UBL3: variants seen among roughly 807,000 people sequenced by gnomAD.
UBL3 encodes the protein ubiquitin-like protein 3.
A neutral mutation model predicts 18.4 loss-of-function variants in UBL3; 6 were observed. That is an observed-to-expected ratio of 0.33 (90% confidence interval 0.18 to 0.64). The LOEUF (loss-of-function observed/expected upper bound fraction) is 0.64. Ranked by LOEUF, UBL3 falls within the 30% of genes least tolerant of loss-of-function variation. UBL3 has a pLI of 0.76. For missense variants in UBL3, 109 were observed against 142.9 expected (o/e 0.76, Z 1.21); for synonymous variants, 49 against 46.6 (o/e 1.05, Z -0.21).
chr13:29,849,049 T>C (rs904746510), intron 1 of UBL3, among the ~76,000 whole-genome samples: 1 of 152,230 alleles, frequency 6.6e-6, no homozygotes, highest in African/African-American at 2.4e-5. Context: ...CTTGAAGAGA[T>C]GTGCATCCCT....
rs35083259 is a variant in UBL3, at chr13:29,815,302, G to T, written c.27+34210C>A. On this transcript the variant is annotated intron_variant, in intron 1 of 4. Transcript: ENST00000380680. ...TTAGATGAGTGGGAAATGGGTGTGTGGGGGGGAGAAATATCTCATATAATA... is the reference window on the plus strand; with the variant it reads ...TTAGATGAGTGGGAAATGGGTGTGTTGGGGGGAGAAATATCTCATATAATA... Among the ~76,000 whole-genome samples the T allele has an allele frequency of 7.3e-4, 111 of 152,036 alleles. 1 individual carries two copies. The Middle Eastern group carries it at 0.01, about 14-fold the overall frequency.
At chr13:29,846,100 C>T (rs906217990) in intron 1 of UBL3, among the ~76,000 whole-genome samples, 1 of 152,036 alleles carries the variant, frequency 6.6e-6, no homozygotes, top group Non-Finnish European at 1.5e-5. Context: ...CAGTGGTTAA[C>T]ATAAGTCACA....
intron 1 of UBL3, among the ~76,000 whole-genome samples, chr13:29,806,181 C>T (rs1251835632): frequency 6.6e-6 from 1 of 151,856 alleles, no homozygotes; most frequent in East Asian, 1.9e-4. Context: ...TGTCTCAAAA[C>T]CAAAAAACAA....
chr13:29,811,195 G>A (rs754531441), intron 1 of UBL3, among the ~76,000 whole-genome samples: 4 of 152,026 alleles, frequency 2.6e-5, no homozygotes, highest in African/African-American at 4.8e-5. Context: ...CTGGTCCCTC[G>A]AGGGTACTTC....
At chr13:29,819,463 C>T (rs1272306689) in intron 1 of UBL3, among the ~76,000 whole-genome samples, 1 of 152,096 alleles carries the variant, frequency 6.6e-6, no homozygotes, top group African/African-American at 2.4e-5. Context: ...AGTCCATAAA[C>T]TAAGGAGATT....
intron 1 of UBL3, among the ~76,000 whole-genome samples, chr13:29,845,359 T>G (rs922464276): frequency 1.3e-5 from 2 of 152,102 alleles, no homozygotes; most frequent in African/African-American, 4.8e-5. Context: ...TAAACAGTAC[T>G]TATCTACCTT....
intron 1 of UBL3, among the ~76,000 whole-genome samples, chr13:29,828,236 G>T (rs1465689401): frequency 3.3e-5 from 5 of 152,108 alleles, no homozygotes; most frequent in Admixed American, 1.3e-4. Context: ...GCATTGCTAG[G>T]TTGGGGAAGT....
intron 2 of UBL3, among the ~76,000 whole-genome samples, chr13:29,773,722 G>A (rs1876908126): frequency 6.6e-6 from 1 of 152,110 alleles, no homozygotes; most frequent in African/African-American, 2.4e-5. Flanking sequence ...AGAAATCTTA[G>A]AATATAGCTT....
At chr13:29,845,126 T>A (rs1879199502) in intron 1 of UBL3, among the ~76,000 whole-genome samples, 1 of 152,060 alleles carries the variant, frequency 6.6e-6, no homozygotes. Flanking sequence ...GAAGGAAAGA[T>A]CACTGTGGCC....
chr13:29,773,903 C>A (rs150389386), intron 2 of UBL3, among the ~76,000 whole-genome samples: 47 of 152,072 alleles, frequency 3.1e-4, no homozygotes, highest in African/African-American at 1.1e-3. Flanking sequence ...GTATGTTGCA[C>A]GAAGTATTTT....
intron 2 of UBL3, 95 bp from the exon 3 acceptor site, chr13:29,772,293 G>T: frequency 1.0e-6 from 1 of 977,914 alleles, no homozygotes; most frequent in Non-Finnish European, 1.5e-6. Context: ...ATCAGTTAGA[G>T]TACAAAGAAG....
At chr13:29,794,106 G>A (rs1048075843) in intron 1 of UBL3, among the ~76,000 whole-genome samples, 8 of 152,070 alleles carry the variant, frequency 5.3e-5, no homozygotes, top group Admixed American at 1.3e-4. Flanking sequence ...TCACCCTCCC[G>A]AAGTGCTGGG....
intron 1 of UBL3, among the ~76,000 whole-genome samples, chr13:29,815,678 T>C (rs1165927920): frequency 1.3e-5 from 2 of 152,224 alleles, no homozygotes; most frequent in Non-Finnish European, 2.9e-5. Context: ...GTGTGCTTTC[T>C]GAATTGCCTA....
intron 1 of UBL3, among the ~76,000 whole-genome samples, chr13:29,844,085 A>C (rs2139370730): frequency 6.6e-6 from 1 of 152,316 alleles, no homozygotes; most frequent in African/African-American, 2.4e-5. Flanking sequence ...GGGACTATAT[A>C]ACAGAAAAAC....
chr13:29,842,798 C>T (rs1222766792), intron 1 of UBL3, among the ~76,000 whole-genome samples: 1 of 152,174 alleles, frequency 6.6e-6, no homozygotes, highest in Non-Finnish European at 1.5e-5. Context: ...CTCTGCAAAA[C>T]ATAACTAACA....
chr13:29,792,072 CA>C lies in UBL3; in HGVS notation c.28-14810del, dbSNP rs572572713. ...TTAAATCAAAAAAGGAAAAATAATTCAAGTTAATTCATATAGTCAACCTCAG... is the reference window on the plus strand; with the variant it reads ...TTAAATCAAAAAAGGAAAAATAATTCAGTTAATTCATATAGTCAACCTCAG... On this transcript the variant is annotated intron_variant, in intron 1 of 4. Coordinates refer to ENST00000380680, the MANE Select transcript of UBL3 (RefSeq NM_007106.4). 2.4e-3 allele frequency among the ~76,000 whole-genome samples: 364 copies of C among 152,184 alleles called. 4 individuals carry two copies. Among genetic ancestry groups the C allele is most frequent in the African/African-American group, 8.3e-3 (346 of 41,502 alleles).
At chr13:29,799,303 T>C (rs1877699824) in intron 1 of UBL3, among the ~76,000 whole-genome samples, 1 of 152,242 alleles carries the variant, frequency 6.6e-6, no homozygotes, top group Admixed American at 6.5e-5. Context: ...TGGTTGAGAA[T>C]CACGGCTAAG....
intron 1 of UBL3, among the ~76,000 whole-genome samples, chr13:29,835,129 T>G (rs1360683276): frequency 2.6e-4 from 1 of 3,884 alleles, no homozygotes; most frequent in African/African-American, 1.2e-3. Flanking sequence ...TATATAAATA[T>G]ATATATATAT....
At chr13:29,824,962 C>G (rs79308084) in intron 1 of UBL3, among the ~76,000 whole-genome samples, 15,530 of 152,146 alleles carry the variant, frequency 0.1, 970 homozygotes, top group African/African-American at 0.17. Context: ...GTTAAATAGG[C>G]AATCCTTTCC....
Sources: gnomAD v4.1 joint callset for allele counts (sites outside exome capture counted in the v4.1 genomes callset) on GRCh38, gnomAD v4.1.1 for gene constraint, MANE v1.5 for transcripts, NCBI Gene and HGNC (gene_info 2026-07-23, HGNC 2026-07-21) for gene names.